DCDC2: variants seen among roughly 807,000 people sequenced by gnomAD.
The protein encoded by DCDC2 is doublecortin domain-containing protein 2.
A neutral mutation model predicts 50.2 loss-of-function variants in DCDC2; 40 were observed. That is an observed-to-expected ratio of 0.80 (90% CI 0.62 to 1.04). DCDC2 has a LOEUF of 1.04. Ranked by LOEUF, DCDC2 falls within the 50% of genes least tolerant of loss-of-function variation. The pLI, the probability that DCDC2 is intolerant of heterozygous loss-of-function variation, is 0.00. For missense variants in DCDC2, 570 were observed against 581.9 expected (o/e 0.98, Z 0.21); for synonymous variants, 234 against 210.6 (o/e 1.11, Z -0.96).
intron 4 of DCDC2, among the ~76,000 whole-genome samples, chr6:24,293,064 AT>A (rs1402497767): frequency 6.6e-6 from 1 of 152,228 alleles, no homozygotes; most frequent in Non-Finnish European, 1.5e-5. Flanking sequence ...AACAGCCAAG[AT>A]TTGACTTGTT....
At chr6:24,275,659 AAT>A (rs1232518256) in intron 7 of DCDC2, among the ~76,000 whole-genome samples, 1 of 152,190 alleles carries the variant, frequency 6.6e-6, no homozygotes, top group Non-Finnish European at 1.5e-5. Flanking sequence ...CACATTGGAA[AAT>A]ATAGACTTAA....
chr6:24,349,667 G>C (rs764431634), intron 2 of DCDC2, among the ~76,000 whole-genome samples: 12 of 152,124 alleles, frequency 7.9e-5, no homozygotes, highest in Non-Finnish European at 1.6e-4. Context: ...AGAGAGGATT[G>C]GGAAGTCATA....
intron 1 of DCDC2, among the ~76,000 whole-genome samples, chr6:24,354,238 C>A (rs1365543114): frequency 6.6e-6 from 1 of 152,104 alleles, no homozygotes; most frequent in Non-Finnish European, 1.5e-5. Context: ...TAAGCACAAC[C>A]TGAAAACTGT....
At chr6:24,359,445 G>GTATATATATT (rs1760613578), upstream of DCDC2, among the ~76,000 whole-genome samples, 6 of 30,430 alleles carry the variant, frequency 2.0e-4, no homozygotes, top group African/African-American at 4.3e-4. Context: ...ATACTATATA[G>GTATATATATT]TATATATATT....
chr6:24,329,868 T>C (rs1460013497), intron 2 of DCDC2, among the ~76,000 whole-genome samples: 1 of 152,168 alleles, frequency 6.6e-6, no homozygotes, highest in African/African-American at 2.4e-5. Context: ...CCACACTGTG[T>C]TCCTTTCCAT....
At chr6:24,301,644 A>G in intron 4 of DCDC2, 71 bp downstream of exon 4, 1 of 1,559,046 alleles carries the variant, frequency 6.4e-7, no homozygotes, top group Non-Finnish European at 8.7e-7. Context: ...CAGACCAGTG[A>G]CTCCGGAGCC....
chr6:24,358,073 A>G, upstream of DCDC2: 1 of 855,204 alleles, frequency 1.2e-6, no homozygotes. Context: ...CAGGAGCCGG[A>G]AACGCGCGGG....
At chr6:24,265,334 C>A (rs916344044) in intron 7 of DCDC2, among the ~76,000 whole-genome samples, 4 of 152,208 alleles carry the variant, frequency 2.6e-5, no homozygotes, top group Middle Eastern at 3.4e-3. Context: ...GACTTCAACA[C>A]CCCCACTTTC....
At chr6:24,320,665 T>C (rs1047188738) in intron 2 of DCDC2, among the ~76,000 whole-genome samples, 3 of 152,116 alleles carry the variant, frequency 2.0e-5, no homozygotes, top group African/African-American at 4.8e-5. Context: ...TATTTGCATA[T>C]AGACATGCAT....
intron 2 of DCDC2, among the ~76,000 whole-genome samples, chr6:24,338,361 C>T (rs1760095365): frequency 6.6e-6 from 1 of 151,984 alleles, no homozygotes; most frequent in South Asian, 2.1e-4. Flanking sequence ...TAAAAAAAAA[C>T]AACAACTGTA....
chr6:24,382,591 A>G, the DCDC2 span, among the ~76,000 whole-genome samples: 1 of 152,172 alleles, frequency 6.6e-6, no homozygotes, highest in Non-Finnish European at 1.5e-5. Context: ...AAACTGTGCT[A>G]ATCCTTCTGT....
chr6:24,339,294 C>T (rs1243088172), intron 2 of DCDC2, among the ~76,000 whole-genome samples: 3 of 152,110 alleles, frequency 2.0e-5, no homozygotes, highest in African/African-American at 7.2e-5. Flanking sequence ...GCAGCCTGTG[C>T]CGCCTGTATC....
chr6:24,204,474 C>G (rs1237166463), intron 8 of DCDC2, among the ~76,000 whole-genome samples: 5 of 152,084 alleles, frequency 3.3e-5, no homozygotes, highest in Non-Finnish European at 7.4e-5. Context: ...ACATCATACA[C>G]TGGGGCCTGT....
chr6:24,359,322 A>AT (rs1256789940), upstream of DCDC2, among the ~76,000 whole-genome samples: 3 of 41,316 alleles, frequency 7.3e-5, no homozygotes, highest in African/African-American at 2.6e-4. Flanking sequence ...TATATTTTAT[A>AT]TTTTTATATA....
the DCDC2 span, among the ~76,000 whole-genome samples, chr6:24,368,208 G>A: frequency 6.6e-6 from 1 of 151,774 alleles, no homozygotes; most frequent in Non-Finnish European, 1.5e-5. Flanking sequence ...ATGAAAGAAG[G>A]GTTAGGAGCT....
chr6:24,344,851 T>C (rs1316372617), intron 2 of DCDC2, among the ~76,000 whole-genome samples: 1 of 152,238 alleles, frequency 6.6e-6, no homozygotes, highest in Non-Finnish European at 1.5e-5. Context: ...CCTTGGTCAC[T>C]GATGTGAACT....
At chr6:24,279,774 C>A (rs1763432889) in intron 6 of DCDC2, among the ~76,000 whole-genome samples, 1 of 152,146 alleles carries the variant, frequency 6.6e-6, no homozygotes, top group Non-Finnish European at 1.5e-5. Context: ...AGGGACCATG[C>A]CTTAACTAAC....
chr6:24,289,989 T>C lies in DCDC2; in HGVS notation c.704+943A>G, dbSNP rs1223942659. Among the ~76,000 whole-genome samples the C allele has an allele frequency of 1.4e-3, 109 of 75,764 alleles. 6 individuals are homozygous for C. Among genetic ancestry groups the C allele is most frequent in the African/African-American group, 5.7e-3 (105 of 18,568 alleles). The allele number at this position is 75,764 out of a possible 152,430, so 49.7% of individuals were successfully genotyped here. A position where few individuals can be genotyped will look rare whatever the true frequency, so the allele number is the denominator to read the frequency against. On this transcript the variant is annotated intron_variant, in intron 5 of 9. Coordinates refer to ENST00000378454, the MANE Select transcript of DCDC2 (RefSeq NM_016356.5). ...AGCTCTTCTTTTTTTTTTTTTTTTT[T>C]TTTTTTTTTTTTTTTTTTTTTTGAG...
At chr6:24,235,838 G>C (rs1762431237) in intron 7 of DCDC2, among the ~76,000 whole-genome samples, 1 of 152,176 alleles carries the variant, frequency 6.6e-6, no homozygotes, top group African/African-American at 2.4e-5. Flanking sequence ...GCCAAATCAA[G>C]AACATAATCC....
Sources: gnomAD v4.1 joint callset for allele counts (sites outside exome capture counted in the v4.1 genomes callset) on GRCh38, gnomAD v4.1.1 for gene constraint, MANE v1.5 for transcripts, NCBI Gene and HGNC (gene_info 2026-07-23, HGNC 2026-07-21) for gene names.